ZPBP: variants seen among roughly 807,000 people sequenced by gnomAD.
The protein encoded by ZPBP is zona pellucida binding protein, also known as zona pellucida-binding protein 1.
A neutral mutation model predicts 44.8 loss-of-function variants in ZPBP; 26 were observed. The ratio of observed to expected loss-of-function variants is 0.58; its 90% confidence interval spans 0.43 to 0.81. ZPBP has a LOEUF of 0.81. Among genes scored for constraint, ZPBP ranks in the 30% least tolerant of loss-of-function variants. The pLI, the probability that ZPBP is intolerant of heterozygous loss-of-function variation, is 0.00. For synonymous variants in ZPBP, 174 were observed against 153.2 expected (o/e 1.14, Z -1.00); for missense variants, 409 against 434.0 (o/e 0.94, Z 0.51).
Position 49,880,632 on chromosome 7 carries a change from T to G in ZPBP, n.509+20486A>C, listed in dbSNP as rs113985725. Reference sequence around the variant, plus strand: ...TATACTTTAAGTTCTAGGGTACATGTGAGAACACTTGGACACAGGGTGGGG... The same window carrying G: ...TATACTTTAAGTTCTAGGGTACATGGGAGAACACTTGGACACAGGGTGGGG... On this transcript the variant is annotated intron_variant and non_coding_transcript_variant, in intron 2 of 2. Transcript: ENST00000465922. Among the ~76,000 whole-genome samples, 1,427 of 152,042 alleles carry G rather than the reference T, an allele frequency of 9.4e-3. 17 individuals are homozygous for G. Among genetic ancestry groups the G allele is most frequent in the African/African-American group, 0.033 (1,362 of 41,438 alleles).
At chr7:49,980,597 C>T (rs1186766901) in intron 7 of ZPBP, among the ~76,000 whole-genome samples, 3 of 151,850 alleles carry the variant, frequency 2.0e-5, no homozygotes, top group African/African-American at 7.3e-5. Flanking sequence ...GTGTGCAGAA[C>T]TCAAATGGTG....
At chr7:49,922,651 T>C (rs868351057) in intron 1 of ZPBP, among the ~76,000 whole-genome samples, 8 of 152,290 alleles carry the variant, frequency 5.3e-5, no homozygotes, top group South Asian at 2.1e-4. Context: ...TGCTGAGAAG[T>C]TGAATAGCAC....
At chr7:50,045,472 G>A (rs1161667229) in intron 4 of ZPBP, among the ~76,000 whole-genome samples, 5 of 152,120 alleles carry the variant, frequency 3.3e-5, no homozygotes, top group East Asian at 1.9e-4. Context: ...CAAAATCAAT[G>A]TGCAAAAATC....
At chr7:49,849,441 A>AT (rs939864341), downstream of ZPBP, among the ~76,000 whole-genome samples, 21 of 152,182 alleles carry the variant, frequency 1.4e-4, no homozygotes, top group African/African-American at 5.1e-4. Flanking sequence ...CTGGGAGCAG[A>AT]CTGTCAGGAA....
downstream of ZPBP, among the ~76,000 whole-genome samples, chr7:49,845,632 A>G (rs1214806102): frequency 6.6e-6 from 1 of 152,220 alleles, no homozygotes; most frequent in African/African-American, 2.4e-5. Context: ...TCAAATACAG[A>G]AATTCCTAAC....
intron 2 of ZPBP, among the ~76,000 whole-genome samples, chr7:49,857,185 T>A (rs1374893078): frequency 6.6e-6 from 1 of 152,102 alleles, no homozygotes; most frequent in Non-Finnish European, 1.5e-5. Context: ...ACTTTCTACT[T>A]ACCCCTACCC....
At chr7:50,038,883 C>A (rs183635619) in intron 4 of ZPBP, among the ~76,000 whole-genome samples, 17 of 152,246 alleles carry the variant, frequency 1.1e-4, no homozygotes, top group African/African-American at 4.1e-4. Context: ...ACCACGTAGC[C>A]TACGTGTGCA....
intron 1 of ZPBP, among the ~76,000 whole-genome samples, chr7:49,927,692 A>G (rs1406615802): frequency 1.3e-5 from 2 of 152,184 alleles, no homozygotes; most frequent in Non-Finnish European, 2.9e-5. Flanking sequence ...AGCTGGCACC[A>G]TAAGCGTACT....
intron 1 of ZPBP, among the ~76,000 whole-genome samples, chr7:49,905,550 GTTTTA>G (rs1256992404): frequency 6.6e-6 from 1 of 152,162 alleles, no homozygotes; most frequent in African/African-American, 2.4e-5. Context: ...TTAAAAAAGA[GTTTTA>G]TTTATTTGTG....
intron 1 of ZPBP, chr7:49,913,777 A>G (rs947942181): frequency 6.6e-6 from 1 of 152,226 alleles, no homozygotes; most frequent in Non-Finnish European, 1.5e-5. Flanking sequence ...CATTATATAA[A>G]AAATAATTCA....
intron 2 of ZPBP, among the ~76,000 whole-genome samples, chr7:49,895,670 A>T (rs1361249487): frequency 6.6e-6 from 1 of 152,214 alleles, no homozygotes; most frequent in East Asian, 1.9e-4. Flanking sequence ...TATCAGCCAT[A>T]GGACTTGGAC....
At chr7:49,917,783 T>C (rs1333668744) in intron 1 of ZPBP, 1 of 152,200 alleles carries the variant, frequency 6.6e-6, no homozygotes, top group African/African-American at 2.4e-5. Flanking sequence ...TAATATTTTC[T>C]ATTATTTGAA....
intron 3 of ZPBP, among the ~76,000 whole-genome samples, chr7:50,067,243 T>G (rs893297469): frequency 6.6e-6 from 1 of 152,172 alleles, no homozygotes; most frequent in Non-Finnish European, 1.5e-5. Flanking sequence ...TGGTGCCCCT[T>G]GCAGCACATC....
intron 2 of ZPBP, among the ~76,000 whole-genome samples, chr7:49,886,197 T>C (rs536555620): frequency 1.3e-5 from 2 of 152,294 alleles, no homozygotes; most frequent in African/African-American, 2.4e-5. Flanking sequence ...GTGAGGGAAG[T>C]GAGGGGACCT....
intron 6 of ZPBP, among the ~76,000 whole-genome samples, chr7:49,993,862 C>CTG (rs3034419): frequency 0.8 from 121,172 of 151,944 alleles, 48,460 homozygotes; most frequent in East Asian, 0.89. Context: ...TGGGACATGA[C>CTG]TGGTAGCTGA....
At chr7:50,089,772 T>C in intron 1 of ZPBP, 63 bp from the exon 2 acceptor site, 1 of 1,281,200 alleles carries the variant, frequency 7.8e-7, no homozygotes, top group East Asian at 2.5e-5. Flanking sequence ...AAATATACTA[T>C]TACAGTATCT....
At position 50,033,719 on chromosome 7, in the gene ZPBP, G is replaced by A. The variant is rs1270435712; in HGVS notation, c.488-2409C>T. Among the ~76,000 whole-genome samples, 5 of 99,728 alleles carry A rather than the reference G, an allele frequency of 5.0e-5. No homozygotes were observed. In the East Asian group the frequency reaches 1.8e-3, roughly 36 times the overall value. The allele number at this position is 99,728 out of a possible 152,430, so 65.4% of individuals were successfully genotyped here. A position where few individuals can be genotyped will look rare whatever the true frequency, so the allele number is the denominator to read the frequency against. On this transcript the variant is annotated intron_variant, in intron 4 of 7. Coordinates refer to ENST00000046087, the MANE Select transcript of ZPBP (RefSeq NM_007009.3). ...ATTTATTTATTTATTTAGAGATGGA[G>A]TTTAGCTCTGTTGCCCAGGCTGGAG...
intron 4 of ZPBP, among the ~76,000 whole-genome samples, chr7:50,057,245 T>C (rs1313659244): frequency 1.3e-5 from 2 of 149,248 alleles, no homozygotes; most frequent in African/African-American, 4.9e-5. Flanking sequence ...TCAGTTGCAC[T>C]AAGATAGAGA....
intron 1 of ZPBP, 72 bp from the exon 2 acceptor site, chr7:50,089,781 C>A (rs1271535053): frequency 3.3e-6 from 4 of 1,205,482 alleles, no homozygotes; most frequent in Non-Finnish European, 4.8e-6. Context: ...ATTACAGTAT[C>A]TTTGGTATTG....
Sources: gnomAD v4.1 joint callset for allele counts (sites outside exome capture counted in the v4.1 genomes callset) on GRCh38, gnomAD v4.1.1 for gene constraint, MANE v1.5 for transcripts, NCBI Gene and HGNC (gene_info 2026-07-23, HGNC 2026-07-21) for gene names.